DLGAP2: variants seen among roughly 807,000 people sequenced by gnomAD.
DLGAP2 encodes DLG associated protein 2.
DLGAP2 carries 26 observed loss-of-function variants against 100.3 expected under a neutral mutation model. That is an observed-to-expected ratio of 0.26 (90% CI 0.19 to 0.36). The LOEUF (loss-of-function observed/expected upper bound fraction) is 0.36, where lower values mean the gene tolerates loss of function less well. DLGAP2 is among the 10% of genes least tolerant of loss of function. The pLI is 1.00. For missense variants in DLGAP2, 1,858 were observed against 1,453.2 expected, an observed-to-expected ratio of 1.28 and a Z score of -4.53; for synonymous variants, 886 against 630.1, an observed-to-expected ratio of 1.41 and a Z score of -6.08.
At chr8:948,161 C>G (rs1161800856) in intron 2 of DLGAP2, among the ~76,000 whole-genome samples, 4 of 152,240 alleles carry the variant, frequency 2.6e-5, no homozygotes, top group East Asian at 1.9e-4. Flanking sequence ...CTGTGGGCGT[C>G]CTGAACCCCA....
In DLGAP2 at chr8:1,513,293, G is replaced by A. The variant is rs748790232; in HGVS notation, c.172+11862G>A. 1.3e-3 allele frequency among the ~76,000 whole-genome samples: 169 copies of A among 126,310 alleles called. 3 individuals carry two copies. Among genetic ancestry groups the A allele is most frequent in the Non-Finnish European group, 1.7e-3 (98 of 58,504 alleles). The allele number at this position is 126,310 out of a possible 152,430, so 82.9% of individuals were successfully genotyped here. Reference sequence around the variant, plus strand: ...TCCAGGGAGGCTCGGTGGGATAAGCGTCTGCCTTTCCCAGTGCAAGGGAGG... The same window carrying A: ...TCCAGGGAGGCTCGGTGGGATAAGCATCTGCCTTTCCCAGTGCAAGGGAGG... On this transcript the variant is annotated intron_variant, in intron 4 of 14. Coordinates refer to ENST00000637795, the MANE Select transcript of DLGAP2 (RefSeq NM_001346810.2).
chr8:1,473,456 A>T (rs1224632356), intron 3 of DLGAP2, among the ~76,000 whole-genome samples: 1 of 152,176 alleles, frequency 6.6e-6, no homozygotes, highest in East Asian at 1.9e-4. Context: ...AACAACCAGA[A>T]AATGGCTGCT....
intron 3 of DLGAP2, among the ~76,000 whole-genome samples, chr8:1,472,165 C>T (rs901678780): frequency 2.0e-5 from 3 of 152,154 alleles, no homozygotes; most frequent in South Asian, 2.1e-4. Context: ...CAGACGGGGC[C>T]GCACTGGGGA....
chr8:1,379,285 C>T (rs759932625), intron 3 of DLGAP2, among the ~76,000 whole-genome samples: 29 of 152,266 alleles, frequency 1.9e-4, no homozygotes, highest in African/African-American at 2.7e-4. Context: ...GCCACATCTT[C>T]GCTAAGTCAC....
chr8:1,258,130 C>T (rs1254006121), intron 2 of DLGAP2, among the ~76,000 whole-genome samples: 1 of 152,124 alleles, frequency 6.6e-6, no homozygotes, highest in African/African-American at 2.4e-5. Context: ...GACTCAATAC[C>T]CATGGATTTT....
At chr8:1,517,892 T>G (rs967245983) in intron 4 of DLGAP2, among the ~76,000 whole-genome samples, 1 of 152,196 alleles carries the variant, frequency 6.6e-6, no homozygotes, top group Non-Finnish European at 1.5e-5. Flanking sequence ...TGGGGAGCCT[T>G]GCACAAAATA....
intron 5 of DLGAP2, among the ~76,000 whole-genome samples, chr8:1,559,809 C>T (rs1802098202): frequency 6.6e-6 from 1 of 152,230 alleles, no homozygotes; most frequent in South Asian, 2.1e-4. Context: ...GTGAGCTCCC[C>T]CGTGCCCAGG....
intron 1 of DLGAP2, among the ~76,000 whole-genome samples, chr8:763,982 G>A (rs1466337675): frequency 2.6e-5 from 4 of 152,156 alleles, no homozygotes; most frequent in African/African-American, 9.7e-5. Flanking sequence ...CTGAGCTTCC[G>A]GCTTTTAATT....
chr8:936,110 G>GGAACAGAACACTGTGTACCGTGTGTCGCT (rs1429115032), intron 2 of DLGAP2, among the ~76,000 whole-genome samples: 4 of 152,170 alleles, frequency 2.6e-5, no homozygotes, highest in African/African-American at 4.8e-5. Context: ...CTGACTGAGT[G>GGAACAGAACACTGTGTACCGTGTGTCGCT]GAACAGAACA....
chr8:1,299,464 T>G (rs1198642755), intron 3 of DLGAP2, among the ~76,000 whole-genome samples: 1 of 152,230 alleles, frequency 6.6e-6, no homozygotes, highest in Non-Finnish European at 1.5e-5. Flanking sequence ...TTTGTGATAA[T>G]CTTAGGAATC....
At chr8:1,336,094 G>C (rs1801267026) in intron 3 of DLGAP2, among the ~76,000 whole-genome samples, 1 of 152,256 alleles carries the variant, frequency 6.6e-6, no homozygotes, top group African/African-American at 2.4e-5. Flanking sequence ...GTGCAGTCTT[G>C]GCTGCTGCAT....
chr8:1,641,907 C>CCTGTGTCACCCTCCAA (rs1797913088), intron 8 of DLGAP2, among the ~76,000 whole-genome samples: 4 of 109,096 alleles, frequency 3.7e-5, no homozygotes, highest in Admixed American at 9.1e-5. Context: ...TCACCCTCGA[C>CCTGTGTCACCCTCCAA]CCCGCCGGCC....
intron 1 of DLGAP2, among the ~76,000 whole-genome samples, chr8:782,604 C>T (rs1821724430): frequency 6.6e-6 from 1 of 152,154 alleles, no homozygotes. Flanking sequence ...ATTGCTATGG[C>T]AGATTCAAAT....
intron 8 of DLGAP2, among the ~76,000 whole-genome samples, chr8:1,661,859 G>A (rs543245736): frequency 2.1e-4 from 32 of 152,310 alleles, no homozygotes; most frequent in African/African-American, 6.0e-4. Context: ...CAATTCAGCC[G>A]GTGTCATCAC....
intron 3 of DLGAP2, among the ~76,000 whole-genome samples, chr8:1,432,699 C>T (rs1432002967): frequency 6.6e-6 from 1 of 152,240 alleles, no homozygotes; most frequent in Non-Finnish European, 1.5e-5. Flanking sequence ...GTCATGTCGG[C>T]ATGCTGTGAA....
At chr8:1,265,740 G>A (rs575285335) in intron 3 of DLGAP2, among the ~76,000 whole-genome samples, 15 of 152,290 alleles carry the variant, frequency 9.8e-5, no homozygotes, top group Middle Eastern at 3.4e-3. Flanking sequence ...GAGAGTTTTC[G>A]TAGTCAATAC....
At chr8:1,659,122 T>C (rs1458678128) in intron 8 of DLGAP2, among the ~76,000 whole-genome samples, 1 of 152,204 alleles carries the variant, frequency 6.6e-6, no homozygotes, top group Non-Finnish European at 1.5e-5. Context: ...CAGGAGCAGA[T>C]TGTTCAGTTT....
At chr8:1,567,849 A>C (rs865905213) in intron 6 of DLGAP2, among the ~76,000 whole-genome samples, 1 of 152,228 alleles carries the variant, frequency 6.6e-6, no homozygotes, top group Non-Finnish European at 1.5e-5. Flanking sequence ...TCCCTGCCCA[A>C]GTGGGAAACC....
intron 1 of DLGAP2, among the ~76,000 whole-genome samples, chr8:906,612 G>C (rs1798386157): frequency 6.6e-6 from 1 of 152,162 alleles, no homozygotes; most frequent in African/African-American, 2.4e-5. Context: ...TACGACCCTA[G>C]AGGCTCAGAC....
Sources: gnomAD v4.1 joint callset for allele counts (sites outside exome capture counted in the v4.1 genomes callset) on GRCh38, gnomAD v4.1.1 for gene constraint, MANE v1.5 for transcripts, NCBI Gene and HGNC (gene_info 2026-07-23, HGNC 2026-07-21) for gene names.